EPB41: variants seen among roughly 807,000 people sequenced by gnomAD.
EPB41 encodes the protein protein 4.1.
Under a neutral mutation model 108.0 loss-of-function variants are expected in EPB41, and 65 were observed. That is an observed-to-expected ratio of 0.60 (90% CI 0.49 to 0.74). The LOEUF (loss-of-function observed/expected upper bound fraction) is 0.74, where lower values mean the gene tolerates loss of function less well. Among genes scored for constraint, EPB41 ranks in the 30% least tolerant of loss-of-function variants. The probability of loss-of-function intolerance (pLI) is 0.00; values close to 1 mark genes in which losing one functional copy is unlikely to be tolerated. For missense variants in EPB41, 875 were observed against 1,037.0 expected (o/e 0.84, Z 2.15); for synonymous variants, 336 against 358.9 (o/e 0.94, Z 0.72).
intron 1 of EPB41, among the ~76,000 whole-genome samples, chr1:28,904,836 A>G (rs916107404): frequency 1.8e-4 from 28 of 152,082 alleles, no homozygotes; most frequent in African/African-American, 6.3e-4. Context: ...GATCGAGACC[A>G]TCCTGGCTAA....
chr1:28,898,771 A>T (rs567341840), intron 1 of EPB41, among the ~76,000 whole-genome samples: 1 of 152,328 alleles, frequency 6.6e-6, no homozygotes, highest in East Asian at 1.9e-4. Flanking sequence ...CAGGATTCTC[A>T]GTCCTGAGGC....
upstream of EPB41, among the ~76,000 whole-genome samples, chr1:28,909,856 G>A (rs2092128810): frequency 2.0e-5 from 3 of 152,160 alleles, no homozygotes; most frequent in South Asian, 6.2e-4. Context: ...TGGGTGTGGT[G>A]TCTCATGCTT....
intron 16 of EPB41, among the ~76,000 whole-genome samples, chr1:29,078,451 C>T (rs1042324196): frequency 6.6e-6 from 1 of 152,056 alleles, no homozygotes; most frequent in Non-Finnish European, 1.5e-5. Flanking sequence ...TCAGGGTACA[C>T]CTGAACTGTA....
intron 1 of EPB41, among the ~76,000 whole-genome samples, chr1:28,923,929 C>T (rs1213045396): frequency 6.6e-6 from 1 of 152,132 alleles, no homozygotes; most frequent in African/African-American, 2.4e-5. Context: ...GTAATTTCCT[C>T]CCCTTGAGTG....
intron 1 of EPB41, among the ~76,000 whole-genome samples, chr1:28,970,708 C>G (rs1437387602): frequency 6.6e-6 from 1 of 152,192 alleles, no homozygotes; most frequent in Non-Finnish European, 1.5e-5. Context: ...CTGAAGGTCA[C>G]TTACCTTATA....
chr1:29,068,657 A>T (rs1253825187), intron 16 of EPB41: 1 of 904,394 alleles, frequency 1.1e-6, no homozygotes, highest in Non-Finnish European at 1.5e-6. Context: ...TTCTCTGGGG[A>T]TACCTCTTCC....
chr1:29,093,806 G>A (rs1280713496), intron 16 of EPB41, among the ~76,000 whole-genome samples: 1 of 152,210 alleles, frequency 6.6e-6, no homozygotes, highest in Non-Finnish European at 1.5e-5. Flanking sequence ...TCTGGAGGCT[G>A]ACGCAGGAGA....
At chr1:29,006,574 C>T (rs769454124) in intron 4 of EPB41, among the ~76,000 whole-genome samples, 15 of 151,982 alleles carry the variant, frequency 9.9e-5, no homozygotes, top group Non-Finnish European at 1.9e-4. Context: ...TGTATAAACG[C>T]CCCCAAGATA....
chr1:29,050,160 C>T (rs1361417358), intron 11 of EPB41, among the ~76,000 whole-genome samples: 3 of 152,330 alleles, frequency 2.0e-5, no homozygotes, highest in East Asian at 3.9e-4. Flanking sequence ...GCCTAAGACT[C>T]GTGATTTGGC....
intron 19 of EPB41, 53 bp downstream of exon 19, chr1:29,112,501 C>T (rs558756615): frequency 3.1e-5 from 45 of 1,467,262 alleles, no homozygotes; most frequent in African/African-American, 1.5e-4. Flanking sequence ...GCAGGAAGAC[C>T]GATGAATACA....
intron 1 of EPB41, among the ~76,000 whole-genome samples, chr1:28,967,341 G>T (rs1177365918): frequency 6.6e-6 from 1 of 152,042 alleles, no homozygotes; most frequent in Non-Finnish European, 1.5e-5. Context: ...AGTTCTTCAG[G>T]AAAATGTGTT....
chr1:29,079,558 G>A (rs903246409), intron 16 of EPB41, among the ~76,000 whole-genome samples: 1 of 151,318 alleles, frequency 6.6e-6, no homozygotes, highest in African/African-American at 2.4e-5. Flanking sequence ...TTGCAGGCAC[G>A]TACCACCATG....
intron 17 of EPB41, among the ~76,000 whole-genome samples, chr1:29,105,527 C>T (rs886415703): frequency 4.6e-5 from 7 of 152,172 alleles, no homozygotes; most frequent in South Asian, 2.1e-4. Flanking sequence ...CCTGAGCCAC[C>T]GTACCCAACA....
intron 18 of EPB41, among the ~76,000 whole-genome samples, chr1:29,111,566 T>C (rs929185389): frequency 3.0e-4 from 45 of 152,032 alleles, no homozygotes; most frequent in Middle Eastern, 3.4e-3. Flanking sequence ...GGCAGGAGAA[T>C]GGTGTGAACC....
intron 1 of EPB41, among the ~76,000 whole-genome samples, chr1:28,939,814 A>G (rs985867525): frequency 2.6e-5 from 4 of 152,198 alleles, no homozygotes; most frequent in African/African-American, 7.2e-5. Flanking sequence ...TCAGTTATCT[A>G]TTGCTACACA....
rs763388367 is a variant in EPB41 at position 29,064,978 on chromosome 1, G to A, written c.2008-4G>A. 1 of 1,613,878 alleles carries A rather than the reference G, an allele frequency of 6.2e-7. No individual in the cohort carries two copies. The highest frequency in any genetic ancestry group is 1.1e-5 in the South Asian group (1 of 91,052). ...GTTTTGCATCTTTGTCCTTTCAACT[G>A]TAGGATTTAGACAAGAGTCAAGAGG... is the stretch of plus-strand genomic sequence containing the variant. On this transcript the variant is annotated splice_region_variant and splice_polypyrimidine_tract_variant and intron_variant, in intron 15 of 20. Coordinates refer to ENST00000343067, the MANE Select transcript of EPB41 (RefSeq NM_001376013.1).
chr1:29,008,666 A>G (rs2096451648), intron 4 of EPB41, among the ~76,000 whole-genome samples: 1 of 152,108 alleles, frequency 6.6e-6, no homozygotes. Context: ...TTTATTTTAA[A>G]TCCTTCAATG....
At chr1:29,000,981 T>C (rs1223917406) in intron 4 of EPB41, among the ~76,000 whole-genome samples, 1 of 152,042 alleles carries the variant, frequency 6.6e-6, no homozygotes, top group Non-Finnish European at 1.5e-5. Flanking sequence ...CATCTTAGGA[T>C]TGTCAAGTTA....
intron 9 of EPB41, among the ~76,000 whole-genome samples, chr1:29,034,227 A>G (rs755309156): frequency 7.2e-5 from 11 of 152,222 alleles, no homozygotes; most frequent in Admixed American, 3.9e-4. Flanking sequence ...ATCAACAAAT[A>G]TTTATTGAGA....
Sources: gnomAD v4.1 joint callset for allele counts (sites outside exome capture counted in the v4.1 genomes callset) on GRCh38, gnomAD v4.1.1 for gene constraint, MANE v1.5 for transcripts, NCBI Gene and HGNC (gene_info 2026-07-23, HGNC 2026-07-21) for gene names.